GBP5: variants seen among roughly 807,000 people sequenced by gnomAD.
GBP5 encodes guanylate-binding protein 5.
A neutral mutation model predicts 58.2 loss-of-function variants in GBP5; 48 were observed. That is an observed-to-expected ratio of 0.83 (90% CI 0.65 to 1.05). The LOEUF is 1.05. Ranked by LOEUF, GBP5 falls within the 50% of genes least tolerant of loss-of-function variation. The pLI is 0.00. For synonymous variants in GBP5, 248 were observed against 251.8 expected, an observed-to-expected ratio of 0.98 and a Z score of 0.14; for missense variants, 714 against 686.8, an observed-to-expected ratio of 1.04 and a Z score of -0.44.
chr1:89,263,771 C>A lies in GBP5; in HGVS notation c.1327G>T (p.Ala443Ser), dbSNP rs1034629134. ...TTCCGAGGCTCCCGATAGTACTTTG[C>A]CTTCAGTTCTTCTGTTTTCTGAATG... ...LFIQKTEELK[A>S]KYYREPRKGI... Residue 443 changes from alanine to serine, a missense_variant, in exon 9 of 12, where the codon GCA becomes TCA. Ala to Ser is a moderately conservative substitution (Grantham distance 99). Transcript: ENST00000370459. 2 of 1,613,780 alleles carry A rather than the reference C, an allele frequency of 1.2e-6. No individual in the cohort carries two copies. The highest frequency in any genetic ancestry group is 1.7e-6 in the Non-Finnish European group (2 of 1,179,878).
chr1:89,263,858 C>T lies in GBP5; in HGVS notation c.1240G>A (p.Gly414Ser). ...TGCTTCACTGCTTCTTCTAGAGGAC[C>T]AAAAATATCCTTAAGTAAAGCCGAG... is the stretch of plus-strand genomic sequence containing the variant. ...YCSALLKDIF[G>S]PLEEAVKQGI... is the part of the protein sequence containing the mutation. The change falls in exon 9 of 12, where the codon GGT becomes AGT. Residue 414 changes from glycine to serine, a missense_variant. By Grantham distance (56) the Gly-to-Ser change is moderately conservative (BLOSUM62 0). Transcript: ENST00000370459. The T allele has an allele frequency of 6.2e-7, 1 of 1,612,410 alleles. No individual in the cohort carries two copies. The highest frequency in any genetic ancestry group is 8.5e-7 in the Non-Finnish European group (1 of 1,179,154).
chr1:89,269,044 T>TA (rs979636622), intron 3 of GBP5, among the ~76,000 whole-genome samples, 188 bp from the exon 4 acceptor site: 40 of 152,142 alleles, frequency 2.6e-4, no homozygotes, highest in African/African-American at 9.2e-4. Flanking sequence ...ACTTTGATAT[T>TA]AAAAAAATAT....
chr1:89,272,121 G>A (rs757616816), intron 1 of GBP5: 12 of 152,138 alleles, frequency 7.9e-5, no homozygotes, highest in Non-Finnish European at 1.5e-4. Flanking sequence ...GCTGAAGTTC[G>A]AGTCAGTTTA....
At chr1:89,269,916 C>G (rs1440189430) in intron 2 of GBP5, 1 of 159,840 alleles carries the variant, frequency 6.3e-6, no homozygotes, top group Non-Finnish European at 1.4e-5. Context: ...TAGTTTTTAC[C>G]TCCCTGGGTT....
chr1:89,269,357 A>G lies in GBP5; in HGVS notation c.190+9T>C. 6.2e-7 allele frequency: 1 copy of G among 1,613,462 alleles called. No homozygotes were observed. The highest frequency in any genetic ancestry group is 8.5e-7 in the Non-Finnish European group (1 of 1,179,604). On this transcript the variant is annotated intron_variant, in intron 3 of 11. Coordinates refer to ENST00000370459, the MANE Select transcript of GBP5 (RefSeq NM_052942.5). ...AAGGGTTTGGCAGAGCTTTGCTGGT[A>G]CCACTCACCCTTGTTCTTCCCAGCC...
At chr1:89,265,727 CAAAAA>C (rs10539124) in intron 7 of GBP5, among the ~76,000 whole-genome samples, 1 of 80,508 alleles carries the variant, frequency 1.2e-5, no homozygotes, top group Admixed American at 1.4e-4. Flanking sequence ...GACTCCACCT[CAAAAA>C]AAAAAAAAAA....
chr1:89,264,639 T>G, intron 8 of GBP5, 47 bp downstream of exon 8: 1 of 1,547,998 alleles, frequency 6.5e-7, no homozygotes, highest in South Asian at 1.1e-5. Flanking sequence ...AAGCAATACT[T>G]TGCCTTCTTG....
Position 89,262,321 on chromosome 1 carries a change from G to A in GBP5, c.1546C>T (p.Gln516Ter), listed in dbSNP as rs759648638. 4 of 1,613,796 alleles carry A rather than the reference G, an allele frequency of 2.5e-6. No homozygotes were observed. The African/African-American group carries it at 5.3e-5, about 22-fold the overall frequency. Residue 516 changes from glutamine (Q) to a stop codon, truncating the protein, a stop_gained, in exon 11 of 12, where the codon CAG becomes TAG. Coordinates refer to ENST00000370459, the MANE Select transcript of GBP5 (RefSeq NM_052942.5). LOFTEE classifies it high-confidence loss of function. ...TCCTGATGGAGTCTCTCCCTCTCCT[G>A]CATCATTTGCTCGTTCTGCCTTTGA... is the stretch of plus-strand genomic sequence containing the variant. ...AIQRQNEQMMQERERLHQEQV... is the reference protein window; with the variant it reads ...AIQRQNEQMM
At chr1:89,269,245 G>A (rs1258974895) in intron 3 of GBP5, 121 bp downstream of exon 3, 5 of 961,096 alleles carry the variant, frequency 5.2e-6, no homozygotes, top group South Asian at 3.3e-5. Context: ...ACCAGCTGTA[G>A]CCTAAACATT....
At chr1:89,269,217 C>A in intron 3 of GBP5, 149 bp downstream of exon 3, 1 of 767,340 alleles carries the variant, frequency 1.3e-6, no homozygotes, top group Non-Finnish European at 2.1e-6. Context: ...TGGTCTTCAT[C>A]TTCCAAAAGA....
rs756166970 is a variant in GBP5, at chr1:89,260,768, A to T, written c.1697T>A (p.Leu566His). The change falls in exon 12 of 12, where the codon CTT becomes CAT. Residue 566 changes from leucine (L) to histidine (H), a missense_variant. By Grantham distance (99) the Leu-to-His change is moderately conservative. Transcript: ENST00000370459. The stretch of plus-strand genomic sequence containing the variant: ...CTGGGCGTGCTGGAGCTCACTGAGA[A>T]GGCTTCTATTTTGAGCTTGGAATGT... ...STTFQAQNRS[L>H]LSELQHAQRT... 21 of 1,614,124 alleles carry T rather than the reference A, an allele frequency of 1.3e-5. No homozygotes were observed. Among genetic ancestry groups the T allele is most frequent in the Non-Finnish European group, 1.8e-5 (21 of 1,179,996 alleles).
In GBP5 at chr1:89,261,983, T is replaced by C. The variant is rs1650019618; in HGVS notation, c.1647+237A>G. On this transcript the variant is annotated intron_variant, in intron 11 of 11. Transcript: ENST00000370459. ...TCATTTAATTATCAAAATAACCCTA[T>C]AACATAGATATCATCACTGTGTCCA... 4 of 522,466 alleles carry C rather than the reference T, an allele frequency of 7.7e-6. No homozygotes were observed. The East Asian group carries it at 9.2e-5, about 12-fold the overall frequency. The allele number at this position is 522,466 out of a possible 1,614,324, so 32.4% of individuals were successfully genotyped here.
intron 6 of GBP5, 81 bp downstream of exon 6, chr1:89,266,876 T>C: frequency 1.0e-6 from 1 of 987,358 alleles, no homozygotes; most frequent in Non-Finnish European, 1.5e-6. Flanking sequence ...TAGAAAACCA[T>C]AAATTTAACC....
In GBP5 at chr1:89,263,771, C is replaced by G. The variant is rs1034629134; in HGVS notation, c.1327G>C (p.Ala443Pro). Reference protein sequence around the residue: ...LFIQKTEELKAKYYREPRKGI... With the variant: ...LFIQKTEELKPKYYREPRKGI... ...TTCCGAGGCTCCCGATAGTACTTTG[C>G]CTTCAGTTCTTCTGTTTTCTGAATG... Residue 443 changes from alanine to proline, a missense_variant, in exon 9 of 12, where the codon GCA becomes CCA. By Grantham distance (27) the Ala-to-Pro change is conservative. Transcript: ENST00000370459. 2 of 1,613,662 alleles carry G rather than the reference C, an allele frequency of 1.2e-6. No individual in the cohort carries two copies. Among genetic ancestry groups the G allele is most frequent in the Admixed American group, 1.7e-5 (1 of 59,972 alleles).
chr1:89,262,453 C>T (rs756675008), intron 10 of GBP5, 52 bp from the exon 11 acceptor site: 5 of 1,493,902 alleles, frequency 3.3e-6, no homozygotes, highest in African/African-American at 1.4e-5. Flanking sequence ...CTTCCTTCTG[C>T]CTCCCACTTT....
chr1:89,263,882 A>C lies in GBP5; in HGVS notation c.1216T>G (p.Ser406Ala). The C allele has an allele frequency of 1.9e-6, 3 of 1,612,848 alleles. No individual in the cohort carries two copies. Among genetic ancestry groups the C allele is most frequent in the Non-Finnish European group, 2.5e-6 (3 of 1,179,746 alleles). The change falls in exon 9 of 12, where the codon TCG (serine) becomes GCG (alanine). Residue 406 changes from serine (S) to alanine (A), a missense_variant. By Grantham distance (99) the Ser-to-Ala change is moderately conservative (BLOSUM62 1). Coordinates refer to ENST00000370459, the MANE Select transcript of GBP5 (RefSeq NM_052942.5). ...RNLEASSDYC[S>A]ALLKDIFGPL... Reference sequence around the variant, plus strand: ...CCAAAAATATCCTTAAGTAAAGCCGAGCAATAATCCGAGGATGCTTCCAGG... The same window carrying C: ...CCAAAAATATCCTTAAGTAAAGCCGCGCAATAATCCGAGGATGCTTCCAGG...
chr1:89,265,864 T>A (rs1198656964), intron 7 of GBP5, among the ~76,000 whole-genome samples: 2 of 152,210 alleles, frequency 1.3e-5, no homozygotes. Context: ...TTCTATAATG[T>A]AGCAATTATT....
chr1:89,263,510 T>C (rs925148036), intron 9 of GBP5: 1 of 435,150 alleles, frequency 2.3e-6, no homozygotes, highest in African/African-American at 1.9e-5. Context: ...ATTATGGTGA[T>C]GGTTCAGTTT....
chr1:89,261,899 T>A (rs1162988665), intron 11 of GBP5, among the ~76,000 whole-genome samples: 1 of 152,228 alleles, frequency 6.6e-6, no homozygotes, highest in Non-Finnish European at 1.5e-5. Context: ...CCTTGGTTTT[T>A]ATTTAACAAC....
Sources: gnomAD v4.1 joint callset for allele counts (sites outside exome capture counted in the v4.1 genomes callset) on GRCh38, gnomAD v4.1.1 for gene constraint, MANE v1.5 for transcripts, NCBI Gene and HGNC (gene_info 2026-07-23, HGNC 2026-07-21) for gene names.